Variants in RIN3 observed in about 807,000 individuals in gnomAD.
The protein encoded by RIN3 is RAB5 interacting protein 3.
Under a neutral mutation model 76.3 loss-of-function variants are expected in RIN3, and 54 were observed. That is an observed-to-expected ratio of 0.71 (90% confidence interval 0.57 to 0.89). The LOEUF is 0.89. Ranked by LOEUF, RIN3 falls within the 40% of genes least tolerant of loss-of-function variation. The pLI is 0.00. For missense variants in RIN3, 1,256 were observed against 1,322.1 expected, an observed-to-expected ratio of 0.95 and a Z score of 0.78; for synonymous variants, 576 against 564.0, an observed-to-expected ratio of 1.02 and a Z score of -0.30.
At chr14:92,519,539 C>T (rs1162782637) in intron 1 of RIN3, among the ~76,000 whole-genome samples, 4 of 152,108 alleles carry the variant, frequency 2.6e-5, no homozygotes, top group African/African-American at 9.7e-5. Context: ...GCCGGGGATA[C>T]GGGGCCTGGC....
intron 7 of RIN3, among the ~76,000 whole-genome samples, chr14:92,669,833 C>G (rs1033770440): frequency 6.6e-6 from 1 of 152,154 alleles, no homozygotes; most frequent in Non-Finnish European, 1.5e-5. Context: ...ATAGTTAGGC[C>G]AGAGACCCTG....
chr14:92,654,539 C>T (rs910703826), intron 6 of RIN3, among the ~76,000 whole-genome samples: 1 of 152,154 alleles, frequency 6.6e-6, no homozygotes, highest in Admixed American at 6.5e-5. Context: ...ACAGTAGCTT[C>T]GTAGCGAATG....
chr14:92,688,287 G>C lies in RIN3; in HGVS notation c.*35G>C. 1 of 1,494,798 alleles carries C rather than the reference G, an allele frequency of 6.7e-7. No individual in the cohort carries two copies. Among genetic ancestry groups the C allele is most frequent in the Non-Finnish European group, 8.9e-7 (1 of 1,121,050 alleles). The allele number at this position is 1,494,798 out of a possible 1,614,324, so 92.6% of individuals were successfully genotyped here. ...GGGGCGCCTCCCCTCACCCCCAGGC[G>C]CACGTCTGGCCCCGCCTCTGGCTGC... On this transcript the variant is annotated 3_prime_UTR_variant, in exon 10 of 10. Coordinates refer to ENST00000216487, the MANE Select transcript of RIN3 (RefSeq NM_024832.5).
chr14:92,644,119 G>C (rs72699859), intron 5 of RIN3, among the ~76,000 whole-genome samples: 1 of 152,316 alleles, frequency 6.6e-6, no homozygotes, highest in Non-Finnish European at 1.5e-5. Context: ...AAGTGCCCCA[G>C]ACAAGATTTG....
chr14:92,654,927 T>C (rs1887611884), intron 6 of RIN3, among the ~76,000 whole-genome samples: 2 of 151,940 alleles, frequency 1.3e-5, no homozygotes, highest in African/African-American at 4.8e-5. Flanking sequence ...TCCCAGCACG[T>C]TGGGGGGCAG....
intron 3 of RIN3, among the ~76,000 whole-genome samples, chr14:92,584,245 C>T (rs1469252584): frequency 6.6e-6 from 1 of 152,210 alleles, no homozygotes; most frequent in Non-Finnish European, 1.5e-5. Flanking sequence ...AGGCTCTTTG[C>T]AACAACTTGT....
At chr14:92,667,481 C>T (rs1337460374) in intron 7 of RIN3, among the ~76,000 whole-genome samples, 5 of 151,498 alleles carry the variant, frequency 3.3e-5, no homozygotes, top group African/African-American at 9.7e-5. Context: ...CACACCATTG[C>T]ACTCCAGCCT....
intron 7 of RIN3, among the ~76,000 whole-genome samples, chr14:92,675,344 G>T (rs1026968073): frequency 1.3e-5 from 2 of 152,132 alleles, no homozygotes; most frequent in African/African-American, 4.8e-5. Context: ...ATTTCCTGAT[G>T]GTCCCTAAAT....
chr14:92,576,674 G>A (rs1157779773), intron 2 of RIN3, among the ~76,000 whole-genome samples: 6 of 152,124 alleles, frequency 3.9e-5, no homozygotes, highest in Admixed American at 3.9e-4. Context: ...GCTGGAGGAG[G>A]GGACGTCCTG....
chr14:92,681,971 C>G lies in RIN3; in HGVS notation c.2468-3016C>G, dbSNP rs1223028992. Among the ~76,000 whole-genome samples the G allele has an allele frequency of 6.6e-6, 1 of 152,178 alleles. No individual in the cohort carries two copies. On this transcript the variant is annotated intron_variant, in intron 8 of 9. Coordinates refer to ENST00000216487, the MANE Select transcript of RIN3 (RefSeq NM_024832.5). The surrounding 1 kb of genome is among the most constrained non-coding windows in gnomAD (Gnocchi z 4.7). ...GCCTGATCTCAGCTCACTGCAACCT[C>G]TGCCTCTCAGGTTCAAGCGATTCTC...
At chr14:92,615,074 C>G (rs1229280948) in intron 3 of RIN3, among the ~76,000 whole-genome samples, 1 of 151,984 alleles carries the variant, frequency 6.6e-6, no homozygotes, top group Non-Finnish European at 1.5e-5. Flanking sequence ...AACTCCTGAC[C>G]TTGTGATTCG....
chr14:92,572,877 C>CTGCTT (rs1898103306), intron 2 of RIN3, among the ~76,000 whole-genome samples: 1 of 100,112 alleles, frequency 1.0e-5, no homozygotes, highest in Non-Finnish European at 1.8e-5. Flanking sequence ...CTTTTTTTTG[C>CTGCTT]TTTTTTTTTT....
chr14:92,674,814 G>A (rs571584557), intron 7 of RIN3, among the ~76,000 whole-genome samples: 11 of 151,480 alleles, frequency 7.3e-5, no homozygotes, highest in Admixed American at 1.3e-4. Context: ...ACTTGAACCC[G>A]TGAGGCGGAG....
intron 1 of RIN3, among the ~76,000 whole-genome samples, chr14:92,536,874 T>A (rs148177703): frequency 6.6e-6 from 1 of 152,120 alleles, no homozygotes; most frequent in African/African-American, 2.4e-5. Context: ...AGTAACCTTA[T>A]AGCATTCTTT....
chr14:92,529,734 T>C (rs1896834859), intron 1 of RIN3, among the ~76,000 whole-genome samples: 2 of 152,148 alleles, frequency 1.3e-5, no homozygotes, highest in African/African-American at 2.4e-5. Context: ...TTCATGCTTT[T>C]TTTGGTGGTT....
intron 2 of RIN3, among the ~76,000 whole-genome samples, chr14:92,573,611 A>T (rs955187283): frequency 7.9e-5 from 12 of 152,218 alleles, no homozygotes; most frequent in African/African-American, 2.9e-4. Context: ...GGTAAGATCA[A>T]AAGGGGCTCA....
chr14:92,584,994 C>T (rs1884715599), intron 3 of RIN3, among the ~76,000 whole-genome samples: 1 of 152,140 alleles, frequency 6.6e-6, no homozygotes. Flanking sequence ...GCCTATTCCC[C>T]TGGCTTGCTT....
chr14:92,536,698 C>T (rs551098012), intron 1 of RIN3, among the ~76,000 whole-genome samples: 26 of 147,702 alleles, frequency 1.8e-4, no homozygotes, highest in Non-Finnish European at 3.4e-4. Flanking sequence ...GCTGAGATCG[C>T]GCCACTGCAC....
At chr14:92,577,275 C>T in intron 2 of RIN3, 85 bp from the exon 3 acceptor site, 1 of 858,044 alleles carries the variant, frequency 1.2e-6, no homozygotes, top group East Asian at 2.6e-5. Context: ...AGGAACCTTC[C>T]AGATGACTTC....
Sources: gnomAD v4.1 joint callset for allele counts (sites outside exome capture counted in the v4.1 genomes callset) on GRCh38, gnomAD v4.1.1 for gene constraint, Gnocchi (gnomAD v3.1) non-coding constraint, MANE v1.5 for transcripts, NCBI Gene and HGNC (gene_info 2026-07-23, HGNC 2026-07-21) for gene names.